Variants in GLIS3 observed in about 807,000 individuals in gnomAD.
GLIS3 encodes zinc finger protein GLIS3.
GLIS3 carries 53 observed loss-of-function variants against 78.6 expected under a neutral mutation model. The ratio of observed to expected loss-of-function variants is 0.67; its 90% CI spans 0.54 to 0.85. The LOEUF (loss-of-function observed/expected upper bound fraction) is 0.85, where lower values mean the gene tolerates loss of function less well. GLIS3 is among the 40% of genes least tolerant of loss of function. The pLI, the probability that GLIS3 is intolerant of heterozygous loss-of-function variation, is 0.00. For synonymous variants in GLIS3, 684 were observed against 509.9 expected (o/e 1.34, Z -4.60); for missense variants, 1,703 against 1,231.1 (o/e 1.38, Z -5.74).
chr9:4,405,670 C>G, the GLIS3 span, among the ~76,000 whole-genome samples: 2 of 152,104 alleles, frequency 1.3e-5, no homozygotes, highest in African/African-American at 4.8e-5. Context: ...AGCAACCCTA[C>G]TCAAACTGTT....
At chr9:4,184,612 G>A (rs971780599) in intron 2 of GLIS3, among the ~76,000 whole-genome samples, 1 of 152,212 alleles carries the variant, frequency 6.6e-6, no homozygotes, top group Non-Finnish European at 1.5e-5. Context: ...GAGGAGAAAA[G>A]AGCACCCAAC....
the GLIS3 span, among the ~76,000 whole-genome samples, chr9:4,425,856 G>A: frequency 6.6e-6 from 1 of 152,276 alleles, no homozygotes; most frequent in Non-Finnish European, 1.5e-5. Context: ...TTGTGAATCT[G>A]GAACTTAAAC....
chr9:4,266,049 G>C (rs1825974953), intron 2 of GLIS3, among the ~76,000 whole-genome samples: 1 of 152,062 alleles, frequency 6.6e-6, no homozygotes, highest in South Asian at 2.1e-4. Flanking sequence ...CTCCCGAGTA[G>C]CTGGGACTAC....
chr9:4,091,740 G>A (rs985709699), intron 4 of GLIS3, among the ~76,000 whole-genome samples: 3 of 152,064 alleles, frequency 2.0e-5, no homozygotes, highest in African/African-American at 7.3e-5. Flanking sequence ...TGCCATGATT[G>A]TCAGTTTCCT....
intron 2 of GLIS3, among the ~76,000 whole-genome samples, chr9:4,212,949 G>A (rs1047333917): frequency 2.0e-5 from 3 of 152,178 alleles, no homozygotes; most frequent in African/African-American, 7.2e-5. Flanking sequence ...TGCTGGAGAT[G>A]AATGGAAGAA....
intron 6 of GLIS3, among the ~76,000 whole-genome samples, chr9:3,905,288 CCTGA>C (rs557182915): frequency 2.0e-5 from 3 of 151,942 alleles, no homozygotes; most frequent in Non-Finnish European, 4.4e-5. Flanking sequence ...CTGAGCCCCG[CCTGA>C]CTCTTTGATA....
intron 4 of GLIS3, among the ~76,000 whole-genome samples, chr9:4,047,332 C>A (rs539386529): frequency 3.9e-5 from 6 of 152,260 alleles, no homozygotes; most frequent in African/African-American, 1.2e-4. Flanking sequence ...ATAAATTACC[C>A]AGTCTCAGGT....
chr9:4,031,209 T>C (rs1295855693), intron 4 of GLIS3, among the ~76,000 whole-genome samples: 1 of 152,146 alleles, frequency 6.6e-6, no homozygotes, highest in Non-Finnish European at 1.5e-5. Context: ...CTATTTACAA[T>C]AGTCAAAAGG....
intron 4 of GLIS3, among the ~76,000 whole-genome samples, chr9:4,008,394 C>G (rs887028869): frequency 1.3e-5 from 2 of 152,184 alleles, no homozygotes; most frequent in African/African-American, 4.8e-5. Context: ...TCCCTGCCCT[C>G]ATTCTGCACC....
intron 9 of GLIS3, among the ~76,000 whole-genome samples, chr9:3,833,004 C>G (rs1024810755): frequency 2.0e-5 from 3 of 152,152 alleles, no homozygotes; most frequent in Admixed American, 1.3e-4. Context: ...AGTCTATATT[C>G]AAGTGTTGTG....
At chr9:3,878,153 T>C (rs903146062) in intron 8 of GLIS3, among the ~76,000 whole-genome samples, 1 of 152,130 alleles carries the variant, frequency 6.6e-6, no homozygotes, top group Admixed American at 6.5e-5. Context: ...AGAAGAGCCT[T>C]AGTCTTCCTT....
At chr9:4,355,153 AAG>A in the GLIS3 span, among the ~76,000 whole-genome samples, 3 of 151,922 alleles carry the variant, frequency 2.0e-5, no homozygotes, top group Admixed American at 6.6e-5. Flanking sequence ...GAAAAAGAAA[AAG>A]AAAAAAGAGA....
intron 2 of GLIS3, among the ~76,000 whole-genome samples, chr9:4,160,895 G>A (rs113800511): frequency 0.01 from 1,538 of 152,122 alleles, 25 homozygotes; most frequent in African/African-American, 0.035. Flanking sequence ...CTCCATATCC[G>A]TATTGGTAAT....
intron 4 of GLIS3, among the ~76,000 whole-genome samples, chr9:4,114,309 T>G (rs1282206366): frequency 6.6e-6 from 1 of 152,184 alleles, no homozygotes; most frequent in Non-Finnish European, 1.5e-5. Context: ...CAGGGTGCAC[T>G]CTGTTGGAAC....
intron 2 of GLIS3, among the ~76,000 whole-genome samples, chr9:4,234,518 A>C (rs1219058208): frequency 6.6e-6 from 1 of 152,168 alleles, no homozygotes; most frequent in Admixed American, 6.5e-5. Context: ...TGACACCCTA[A>C]AACAATTACA....
chr9:4,161,482 T>C (rs1036685974), intron 2 of GLIS3, among the ~76,000 whole-genome samples: 19 of 152,106 alleles, frequency 1.2e-4, no homozygotes, highest in African/African-American at 4.3e-4. Context: ...CGTGGATGCA[T>C]TGGACTTTCT....
chr9:4,253,920 C>G (rs1258612834), intron 2 of GLIS3, among the ~76,000 whole-genome samples: 1 of 152,184 alleles, frequency 6.6e-6, no homozygotes, highest in African/African-American at 2.4e-5. Flanking sequence ...CTTCAACTCT[C>G]CCTCCATGGG....
chr9:3,920,128 T>C (rs536235363), intron 6 of GLIS3, among the ~76,000 whole-genome samples: 60 of 151,198 alleles, frequency 4.0e-4, no homozygotes, highest in Admixed American at 3.4e-3. Context: ...CTCAGCCTCC[T>C]GAGTAGCTGG....
chr9:4,043,358 T>A (rs909016955), intron 4 of GLIS3, among the ~76,000 whole-genome samples: 5 of 151,820 alleles, frequency 3.3e-5, no homozygotes, highest in African/African-American at 1.2e-4. Flanking sequence ...GTACACTGAG[T>A]TTTTTATGTA....
Sources: gnomAD v4.1 joint callset for allele counts (sites outside exome capture counted in the v4.1 genomes callset) on GRCh38, gnomAD v4.1.1 for gene constraint, MANE v1.5 for transcripts, NCBI Gene and HGNC (gene_info 2026-07-23, HGNC 2026-07-21) for gene names.